Variants in CACNA1C observed in about 807,000 individuals in gnomAD.
The protein encoded by CACNA1C is calcium voltage-gated channel subunit alpha1 C.
CACNA1C carries 30 observed loss-of-function variants against 229.0 expected under a neutral mutation model. The ratio of observed to expected loss-of-function variants is 0.13; its 90% CI spans 0.10 to 0.18. The LOEUF is 0.18. CACNA1C is among the 10% of genes least tolerant of loss of function. The pLI is 1.00. For missense variants in CACNA1C, 1,658 were observed against 2,845.0 expected, an observed-to-expected ratio of 0.58 and a Z score of 9.49; for synonymous variants, 1,114 against 1,132.5, an observed-to-expected ratio of 0.98 and a Z score of 0.33.
At chr12:2,238,771 C>T (rs1042914767) in intron 3 of CACNA1C, among the ~76,000 whole-genome samples, 6 of 152,050 alleles carry the variant, frequency 3.9e-5, no homozygotes, top group African/African-American at 1.4e-4. Context: ...TGCAGGAAGC[C>T]GAGAGGAGGA....
chr12:2,115,587 C>A, intron 2 of CACNA1C, 42 bp downstream of exon 2: 1 of 1,589,870 alleles, frequency 6.3e-7, no homozygotes, highest in Non-Finnish European at 8.6e-7. Context: ...CTGGGACCTG[C>A]ACGCTGGGTC....
Position 2,504,706 on chromosome 12 carries a change from G to A in CACNA1C, c.1114-136G>A. On this transcript the variant is annotated intron_variant, in intron 7 of 46. Transcript: ENST00000399655. The surrounding 1 kb of genome is among the most constrained non-coding windows in gnomAD (Gnocchi z 6.8). The stretch of plus-strand genomic sequence containing the variant: ...TTCTGACCCATTGGCCAGGCAGGCT[G>A]TTTGGCCTCTGATTTGCACCTAGAG... 1.3e-6 allele frequency: 1 copy of A among 746,506 alleles called. No individual in the cohort carries two copies. The highest frequency in any genetic ancestry group is 2.4e-6 in the Non-Finnish European group (1 of 421,544). The allele number at this position is 746,506 out of a possible 1,614,324, so 46.2% of individuals were successfully genotyped here.
At chr12:2,259,724 A>G (rs536820165) in intron 3 of CACNA1C, among the ~76,000 whole-genome samples, 195 of 152,336 alleles carry the variant, frequency 1.3e-3, no homozygotes, top group Non-Finnish European at 2.4e-3. Context: ...TATCAGTAAG[A>G]ATGAGTGCAT....
chr12:2,052,917 G>GC (rs2052694292), upstream of CACNA1C: 2 of 914,124 alleles, frequency 2.2e-6, no homozygotes, highest in Non-Finnish European at 2.6e-6. Flanking sequence ...GGGCGGCGCG[G>GC]GCAGGGGCGG....
intron 3 of CACNA1C, among the ~76,000 whole-genome samples, chr12:2,171,452 G>C (rs1275358990): frequency 6.6e-6 from 1 of 152,190 alleles, no homozygotes; most frequent in Non-Finnish European, 1.5e-5. Flanking sequence ...CCGTCAAGAT[G>C]AGTCCATGGT....
chr12:2,671,894 G>C (rs2153743166), intron 38 of CACNA1C, among the ~76,000 whole-genome samples: 1 of 150,208 alleles, frequency 6.7e-6, no homozygotes, highest in Admixed American at 6.7e-5. Context: ...ATCAGACATG[G>C]GCCCTCCATA....
chr12:1,983,859 A>C (rs532203049), intron 1 of CACNA1C, among the ~76,000 whole-genome samples: 8 of 151,798 alleles, frequency 5.3e-5, no homozygotes, highest in African/African-American at 1.7e-4. Flanking sequence ...AAAAACAAAA[A>C]CTTCTCCTTT....
At chr12:2,048,573 G>C (rs534135683), upstream of CACNA1C, 1 of 152,282 alleles carries the variant, frequency 6.6e-6, no homozygotes, top group Admixed American at 6.5e-5. Context: ...ATTGCAATGA[G>C]GACAATGCAA....
chr12:2,658,700 T>C (rs2095547335), intron 34 of CACNA1C, among the ~76,000 whole-genome samples: 2 of 152,152 alleles, frequency 1.3e-5, no homozygotes, highest in African/African-American at 4.8e-5. Flanking sequence ...GGCATTGTTA[T>C]CATAGGAGAT....
chr12:2,450,878 A>G (rs957550501), intron 4 of CACNA1C, among the ~76,000 whole-genome samples: 15 of 152,164 alleles, frequency 9.9e-5, no homozygotes, highest in Non-Finnish European at 1.9e-4. Context: ...CCCGCCGTTC[A>G]CCATCTTGTG....
rs2099787973 is a variant in CACNA1C, at chr12:2,512,937, A to C, written c.1343A>C (p.Asp448Ala). Residue 448 changes from aspartate (D) to alanine (A), a missense_variant, in exon 9 of 47, where the codon GAT becomes GCT. Physicochemically the swap from Asp to Ala is moderately radical, Grantham distance 126. Around this residue, in one of 20 missense-constraint regions of CACNA1C, gnomAD observed 149 missense variants for 194.2 expected, o/e 0.77. Coordinates refer to ENST00000399655, the MANE Select transcript of CACNA1C (RefSeq NM_000719.7). This position sits in a 1 kb window ranked among gnomAD's most constrained non-coding sequence, Gnocchi z 4.3. The stretch of plus-strand genomic sequence containing the variant: ...TGGATCACTCAGGCCGAAGACATCG[A>C]TCCTGAGAATGAGGACGAAGGCATG... ...LDWITQAEDI[D>A]PENEDEGMDE... 3.7e-6 allele frequency: 6 copies of C among 1,611,510 alleles called. No individual in the cohort carries two copies. Among genetic ancestry groups the C allele is most frequent in the Non-Finnish European group, 4.2e-6 (5 of 1,178,800 alleles).
chr12:2,688,725 G>A lies in CACNA1C; in HGVS notation c.6063G>A (p.Gln2021=), dbSNP rs751077510. The A allele has an allele frequency of 5.6e-6, 9 of 1,602,154 alleles. No individual in the cohort carries two copies. Among genetic ancestry groups the A allele is most frequent in the Middle Eastern group, 1.7e-4 (1 of 6,016 alleles). ...CCGTCTCCCTCATGGTGCCCAGCCA[G>A]GCTGGGGCCCCAGGGAGGCAGTTCC... ...VRPVSLMVPS[Q]AGAPGRQFHG... Residue 2021 remains glutamine (Q), a synonymous_variant, in exon 46 of 47, where the codon CAG becomes CAA. Coordinates refer to ENST00000399655, the MANE Select transcript of CACNA1C (RefSeq NM_000719.7).
chr12:2,090,890 C>T (rs1316438249), intron 1 of CACNA1C, among the ~76,000 whole-genome samples: 1 of 151,998 alleles, frequency 6.6e-6, no homozygotes, highest in African/African-American at 2.4e-5. Context: ...TCCACATCCT[C>T]GCTGGCTCTT....
intron 46 of CACNA1C, 28 bp from the exon 47 acceptor site, chr12:2,690,872 C>T (rs1222405460): frequency 2.0e-6 from 3 of 1,517,454 alleles, no homozygotes; most frequent in Non-Finnish European, 8.9e-7. Flanking sequence ...TCCTTTGGTT[C>T]TTCATGGCTC....
At chr12:2,174,932 A>G (rs2096602346) in intron 3 of CACNA1C, among the ~76,000 whole-genome samples, 1 of 152,178 alleles carries the variant, frequency 6.6e-6, no homozygotes, top group Non-Finnish European at 1.5e-5. Flanking sequence ...TTGTCTTCAC[A>G]TTGAGCAGAC....
chr12:2,459,169 GT>G (rs59909090), intron 5 of CACNA1C, among the ~76,000 whole-genome samples: 6,173 of 109,524 alleles, frequency 0.056, 137 homozygotes, highest in Middle Eastern at 0.11. Context: ...TTTTGTGTGT[GT>G]TTTTTTTTTT....
chr12:2,247,549 A>G (rs1293732864), intron 3 of CACNA1C, among the ~76,000 whole-genome samples: 2 of 152,172 alleles, frequency 1.3e-5, no homozygotes, highest in African/African-American at 2.4e-5. Flanking sequence ...CCTGGTGGGC[A>G]CTTTGTCCCC....
rs769671150 is a variant in CACNA1C at position 2,592,222 on chromosome 12, C to T, written c.2531-991C>T. 7.7e-4 allele frequency among the ~76,000 whole-genome samples: 118 copies of T among 152,316 alleles called. 1 individual carries two copies. Among genetic ancestry groups the T allele is most frequent in the Admixed American group, 1.5e-3 (23 of 15,300 alleles). ...GAGAAAGATGTTGAGCATTAATTTA[C>T]AGGCTTCGAGTCTGTCCCATAGGTA... On this transcript the variant is annotated intron_variant, in intron 18 of 46. Coordinates refer to ENST00000399655, the MANE Select transcript of CACNA1C (RefSeq NM_000719.7).
At chr12:2,371,807 C>A (rs1040704347) in intron 3 of CACNA1C, among the ~76,000 whole-genome samples, 1 of 148,900 alleles carries the variant, frequency 6.7e-6, no homozygotes, top group Non-Finnish European at 1.5e-5. Context: ...GACTGGAGGC[C>A]GTTCTTTCCA....
Sources: gnomAD v4.1 joint callset for allele counts (sites outside exome capture counted in the v4.1 genomes callset) on GRCh38, gnomAD v4.1.1 for gene constraint, gnomAD v4.1.1 regional missense constraint, Gnocchi (gnomAD v3.1) non-coding constraint, MANE v1.5 for transcripts, NCBI Gene and HGNC (gene_info 2026-07-23, HGNC 2026-07-21) for gene names.